Variants in AFF1 observed in about 807,000 individuals in gnomAD.
AFF1 encodes ALF transcription elongation factor 1, also known as AF4/FMR2 family member 1.
In AFF1, 48 loss-of-function variants were observed where a neutral mutation model predicts 121.7. The ratio of observed to expected loss-of-function variants is 0.39; its 90% CI spans 0.31 to 0.50. The LOEUF (loss-of-function observed/expected upper bound fraction) is 0.50. Ranked by LOEUF, AFF1 falls within the 20% of genes least tolerant of loss-of-function variation. The pLI is 0.76. For synonymous variants in AFF1, 613 were observed against 563.0 expected (o/e 1.09, Z -1.26); for missense variants, 1,523 against 1,511.7 (o/e 1.01, Z -0.12).
chr4:86,976,313 C>T (rs926292587), intron 2 of AFF1, among the ~76,000 whole-genome samples: 3 of 152,044 alleles, frequency 2.0e-5, no homozygotes, highest in Non-Finnish European at 2.9e-5. Context: ...GGTAAGGAGG[C>T]AGAGAGGTGG....
intron 2 of AFF1, among the ~76,000 whole-genome samples, chr4:86,999,332 A>G (rs1209947351): frequency 6.6e-6 from 1 of 152,162 alleles, no homozygotes; most frequent in African/African-American, 2.4e-5. Flanking sequence ...CTTTTCCCCT[A>G]GTCTTTTTTA....
intron 4 of AFF1, among the ~76,000 whole-genome samples, chr4:87,065,040 AATAAT>A (rs1302175603): frequency 6.1e-5 from 9 of 147,520 alleles, no homozygotes; most frequent in Non-Finnish European, 1.2e-4. Context: ...CACAAGAAAA[AATAAT>A]ATAGTGTGGG....
intron 19 of AFF1, among the ~76,000 whole-genome samples, chr4:87,132,617 T>C (rs1223776740): frequency 6.6e-6 from 1 of 152,246 alleles, no homozygotes; most frequent in Non-Finnish European, 1.5e-5. Flanking sequence ...TTTTTGCTGA[T>C]TGGAAAACAT....
chr4:87,002,664 CT>C (rs1725820288), intron 2 of AFF1, among the ~76,000 whole-genome samples: 1 of 152,078 alleles, frequency 6.6e-6, no homozygotes, highest in Non-Finnish European at 1.5e-5. Context: ...TTACTTCAGC[CT>C]CCCAAAGTGC....
rs1728785762 is a variant in AFF1, at chr4:87,131,099, A to G, written c.2981A>G (p.Lys994Arg). 6 of 1,614,196 alleles carry G rather than the reference A, an allele frequency of 3.7e-6. No individual in the cohort carries two copies. The highest frequency in any genetic ancestry group is 2.2e-5 in the East Asian group (1 of 44,882). ...CTCCTGCAGACGGACAGGGTTGGAAAGGCTTTTAAGTACCTGGAAGCCGTC... is the reference window on the plus strand; with the variant it reads ...CTCCTGCAGACGGACAGGGTTGGAAGGGCTTTTAAGTACCTGGAAGCCGTC... ...KAELMTDRVG[K>R]AFKYLEAVLS... Residue 994 changes from lysine (K) to arginine (R), a missense_variant, in exon 17 of 21, where the codon AAG becomes AGG. Transcript: ENST00000395146.
chr4:86,972,456 G>A (rs746610965), intron 2 of AFF1, among the ~76,000 whole-genome samples: 2 of 151,958 alleles, frequency 1.3e-5, no homozygotes, highest in Non-Finnish European at 2.9e-5. Context: ...TTCAAAGACT[G>A]GGAAAAAAAT....
At chr4:87,020,574 T>C (rs1260589981) in intron 2 of AFF1, among the ~76,000 whole-genome samples, 2 of 152,198 alleles carry the variant, frequency 1.3e-5, no homozygotes, top group African/African-American at 2.4e-5. Context: ...AACCTCCACC[T>C]CCTGGGTTCA....
intron 4 of AFF1, among the ~76,000 whole-genome samples, chr4:87,060,867 A>AAAAAAAAAAAAAAAAAAAAAC: frequency 2.4e-5 from 1 of 41,066 alleles, no homozygotes; most frequent in Non-Finnish European, 4.5e-5. Context: ...AAAAAAAAAA[A>AAAAAAAAAAAAAAAAAAAAAC]CACAAAAAAA....
intron 4 of AFF1, among the ~76,000 whole-genome samples, chr4:87,071,735 C>G (rs1025190683): frequency 1.3e-5 from 2 of 152,062 alleles, no homozygotes; most frequent in Admixed American, 6.6e-5. Context: ...AAGGGAGTTG[C>G]TTTTGTTGTT....
chr4:86,961,467 A>G (rs1485135124), intron 2 of AFF1, among the ~76,000 whole-genome samples: 1 of 151,980 alleles, frequency 6.6e-6, no homozygotes, highest in Non-Finnish European at 1.5e-5. Flanking sequence ...TGAATGAGAT[A>G]AAAAGTTGTT....
chr4:87,032,133 C>T (rs1729141077), intron 2 of AFF1, among the ~76,000 whole-genome samples: 1 of 152,186 alleles, frequency 6.6e-6, no homozygotes, highest in South Asian at 2.1e-4. Flanking sequence ...TGCAGAAAAA[C>T]AATGACTTAC....
intron 12 of AFF1, among the ~76,000 whole-genome samples, chr4:87,118,002 A>T (rs530605558): frequency 3.5e-4 from 54 of 152,208 alleles, no homozygotes; most frequent in Non-Finnish European, 6.9e-4. Context: ...ACATTTGGAT[A>T]ATGAAGATAT....
At chr4:87,047,862 C>A (rs58016426) in intron 4 of AFF1, 11,951 of 517,636 alleles carry the variant, frequency 0.023, 240 homozygotes, top group African/African-American at 0.072. Flanking sequence ...ACATAGAGAT[C>A]ATAAGAGTAC....
chr4:86,991,728 G>A (rs1724739140), intron 2 of AFF1, among the ~76,000 whole-genome samples: 1 of 151,520 alleles, frequency 6.6e-6, no homozygotes, highest in Non-Finnish European at 1.5e-5. Flanking sequence ...CTTTAGTGTG[G>A]CTTGCTAATC....
intron 4 of AFF1, among the ~76,000 whole-genome samples, chr4:87,077,700 T>C (rs899717045): frequency 6.6e-6 from 1 of 152,246 alleles, no homozygotes; most frequent in Non-Finnish European, 1.5e-5. Flanking sequence ...TTCTCATTGA[T>C]ACTTTCTTCA....
chr4:86,989,841 C>A (rs1031112807), intron 2 of AFF1, among the ~76,000 whole-genome samples: 3 of 152,126 alleles, frequency 2.0e-5, no homozygotes, highest in Non-Finnish European at 2.9e-5. Flanking sequence ...GAATACTATG[C>A]AGACATAAAA....
Position 87,138,285 on chromosome 4 carries a change from AT to A in AFF1, c.*2587del, listed in dbSNP as rs1729457154. ...AGAGGTCTGAAGGATTTTTAAAATGATTTGCACTTTTTCACTGCATGCTTAC... is the reference window on the plus strand; with the variant it reads ...AGAGGTCTGAAGGATTTTTAAAATGATTGCACTTTTTCACTGCATGCTTAC... On this transcript the variant is annotated 3_prime_UTR_variant, in exon 21 of 21. Transcript: ENST00000395146. 4.3e-6 allele frequency: 1 copy of A among 232,514 alleles called. No homozygotes were observed. The allele number at this position is 232,514 out of a possible 1,614,324, so 14.4% of individuals were successfully genotyped here.
Position 87,047,164 on chromosome 4 carries a change from C to G in AFF1, c.629C>G (p.Ser210Cys). Residue 210 changes from serine (S) to cysteine (C), a missense_variant, in exon 4 of 21, where the codon TCT becomes TGT. Around this residue, in one of 5 missense-constraint regions of AFF1, gnomAD observed 369 missense variants for 367.2 expected, o/e 1.00. Transcript: ENST00000395146. ...GAGAGGGAGCTTTCTCCCTTAATCT[C>G]TTTGCCTTCCCCAGTTCCCCCTTTG... ...APERELSPLI[S>C]LPSPVPPLSP... The G allele has an allele frequency of 1.1e-5, 18 of 1,614,220 alleles. No homozygotes were observed. The highest frequency in any genetic ancestry group is 1.5e-5 in the Non-Finnish European group (18 of 1,180,046).
At position 87,126,314 on chromosome 4, in the gene AFF1, C is replaced by G. The variant is rs770749984; in HGVS notation, c.2789C>G (p.Ser930Cys). 13 of 1,613,938 alleles carry G rather than the reference C, an allele frequency of 8.1e-6. No individual in the cohort carries two copies. In the African/African-American group the frequency reaches 1.3e-4, roughly 17 times the overall value. ...PKQRRVEGKG[S>C]RSSSEHKGSS... ...CAGAGAAGAGTAGAGGGGAAGGGCT[C>G]CAGAAGCTCCTCGGAGCACAAGGTG... Residue 930 changes from serine to cysteine, a missense_variant, in exon 14 of 21, where the codon TCC (serine) becomes TGC (cysteine). This residue lies in a region of AFF1 where 905 missense variants were observed against 842.5 expected (regional missense o/e 1.07). Transcript: ENST00000395146.
Sources: gnomAD v4.1 joint callset for allele counts (sites outside exome capture counted in the v4.1 genomes callset) on GRCh38, gnomAD v4.1.1 for gene constraint, gnomAD v4.1.1 regional missense constraint, MANE v1.5 for transcripts, NCBI Gene and HGNC (gene_info 2026-07-23, HGNC 2026-07-21) for gene names.